The following PVT1 variants were observed in gnomAD, a reference collection of about 807,000 sequenced individuals.
PVT1 encodes the protein Pvt1 oncogene, also known as CXCR4/PVT1 fusion.
chr8:128,062,596 A>C (rs1813844800), intron 4 of PVT1, among the ~76,000 whole-genome samples: 1 of 152,234 alleles, frequency 6.6e-6, no homozygotes, highest in South Asian at 2.1e-4. Context: ...AAATTTCTAA[A>C]ATAGTATCAT....
intron 3 of PVT1, among the ~76,000 whole-genome samples, chr8:127,929,854 G>A (rs1487512099): frequency 1.3e-5 from 2 of 152,192 alleles, no homozygotes; most frequent in Non-Finnish European, 2.9e-5. Flanking sequence ...AGAGATGTGA[G>A]AATTAAATGC....
intron 4 of PVT1, among the ~76,000 whole-genome samples, chr8:128,058,218 A>T (rs562839647): frequency 2.6e-4 from 39 of 152,324 alleles, no homozygotes; most frequent in Middle Eastern, 3.4e-3. Context: ...TAAATTAATG[A>T]ATAGTGATTC....
At chr8:128,064,400 C>T (rs1813875673) in intron 4 of PVT1, among the ~76,000 whole-genome samples, 1 of 152,186 alleles carries the variant, frequency 6.6e-6, no homozygotes, top group South Asian at 2.1e-4. Flanking sequence ...ATCTTTTCAC[C>T]CTTGTTTGGT....
At chr8:127,968,527 G>A (rs1028472586) in intron 3 of PVT1, among the ~76,000 whole-genome samples, 7 of 152,170 alleles carry the variant, frequency 4.6e-5, no homozygotes, top group African/African-American at 7.2e-5. Context: ...CACCAGGGAC[G>A]CAGGATTATG....
chr8:127,912,782 C>T (rs1378082416), intron 3 of PVT1, among the ~76,000 whole-genome samples: 1 of 151,994 alleles, frequency 6.6e-6, no homozygotes, highest in Non-Finnish European at 1.5e-5. Context: ...CTGCAACCTC[C>T]ACCTCCCGGG....
intron 2 of PVT1, among the ~76,000 whole-genome samples, chr8:127,818,527 A>G (rs1694781138): frequency 6.6e-6 from 1 of 152,214 alleles, no homozygotes; most frequent in African/African-American, 2.4e-5. Flanking sequence ...TGGGCTTTTT[A>G]TAAATGAGGG....
intron 2 of PVT1, among the ~76,000 whole-genome samples, chr8:127,878,824 G>A (rs1421597054): frequency 6.6e-6 from 1 of 152,210 alleles, no homozygotes; most frequent in African/African-American, 2.4e-5. Flanking sequence ...TGCAGATGAG[G>A]GTGTTTGCCT....
chr8:128,061,541 A>G (rs1038772035), intron 4 of PVT1, among the ~76,000 whole-genome samples: 1 of 152,220 alleles, frequency 6.6e-6, no homozygotes, highest in South Asian at 2.1e-4. Context: ...TTGCTGGGTC[A>G]TATGGTAACT....
In PVT1 at chr8:127,965,935, C is replaced by T. The variant is rs202058570; in HGVS notation, n.783-23227C>T. Reference sequence around the variant, plus strand: ...CAGGATTTACCTTTTGGAAAGACTACTTTGATATGAATGCAGAATCAGGGA... The same window carrying T: ...CAGGATTTACCTTTTGGAAAGACTATTTTGATATGAATGCAGAATCAGGGA... On this transcript the variant is annotated intron_variant and non_coding_transcript_variant, in intron 3 of 10. Coordinates refer to ENST00000651587, the Ensembl canonical transcript of PVT1. 7.2e-5 allele frequency among the ~76,000 whole-genome samples: 11 copies of T among 152,274 alleles called. No individual in the cohort carries two copies. The East Asian group carries it at 2.1e-3, about 29-fold the overall frequency.
chr8:128,011,727 A>G (rs370536207), intron 4 of PVT1, among the ~76,000 whole-genome samples: 214 of 152,300 alleles, frequency 1.4e-3, no homozygotes, highest in African/African-American at 5.0e-3. Context: ...CTGGACCTTG[A>G]TGGTGGTGAT....
chr8:127,876,154 G>A (rs1018515279), intron 2 of PVT1, among the ~76,000 whole-genome samples: 4 of 152,196 alleles, frequency 2.6e-5, no homozygotes, highest in Non-Finnish European at 5.9e-5. Flanking sequence ...GACCTAGAGG[G>A]GAAGACTGGG....
intron 3 of PVT1, among the ~76,000 whole-genome samples, chr8:127,949,770 G>A (rs1816481693): frequency 6.6e-6 from 1 of 152,164 alleles, no homozygotes; most frequent in Admixed American, 6.5e-5. Flanking sequence ...ATGGTTGATG[G>A]GTGAGTGTCA....
intron 4 of PVT1, among the ~76,000 whole-genome samples, chr8:128,066,362 G>A (rs1226107038): frequency 6.6e-6 from 1 of 152,206 alleles, no homozygotes; most frequent in Non-Finnish European, 1.5e-5. Context: ...TATGTGTAGA[G>A]GCTGCCACGT....
At chr8:127,937,950 G>T (rs1449983849) in intron 3 of PVT1, among the ~76,000 whole-genome samples, 2 of 152,202 alleles carry the variant, frequency 1.3e-5, no homozygotes, top group South Asian at 2.1e-4. Context: ...CTAGTTCAGA[G>T]CCTGTGTGGA....
intron 2 of PVT1, among the ~76,000 whole-genome samples, chr8:127,873,556 A>G (rs147621540): frequency 3.3e-5 from 5 of 152,242 alleles, no homozygotes; most frequent in South Asian, 4.1e-4. Flanking sequence ...TGCAATTTGC[A>G]TGGATTGTCT....
At chr8:127,921,897 A>G (rs138539535) in intron 3 of PVT1, among the ~76,000 whole-genome samples, 3,743 of 96,026 alleles carry the variant, frequency 0.039, 99 homozygotes, top group African/African-American at 0.087. Context: ...GTCTTGCTCT[A>G]TCATCTAGGC....
chr8:127,992,124 G>T (rs1460359633), intron 4 of PVT1, among the ~76,000 whole-genome samples: 2 of 151,490 alleles, frequency 1.3e-5, no homozygotes, highest in East Asian at 3.9e-4. Flanking sequence ...AGTGGCTCAC[G>T]CCTGTAATTC....
chr8:128,023,104 G>T (rs1211012655), intron 4 of PVT1, among the ~76,000 whole-genome samples: 1 of 152,094 alleles, frequency 6.6e-6, no homozygotes, highest in Non-Finnish European at 1.5e-5. Context: ...CTGACCTCAG[G>T]TGATCTGCCT....
intron 2 of PVT1, among the ~76,000 whole-genome samples, chr8:127,882,890 G>A (rs1244680381): frequency 6.6e-6 from 1 of 152,100 alleles, no homozygotes; most frequent in Admixed American, 6.6e-5. Context: ...CTGCCCCATT[G>A]ACCGGGTCTC....
Sources: gnomAD v4.1 joint callset for allele counts (sites outside exome capture counted in the v4.1 genomes callset) on GRCh38, gnomAD v4.1.1 for gene constraint, MANE v1.5 for transcripts, NCBI Gene and HGNC (gene_info 2026-07-23, HGNC 2026-07-21) for gene names.